The following TENM4 variants were observed in gnomAD, a reference collection of about 807,000 sequenced individuals.
TENM4 encodes the protein teneurin transmembrane protein 4, also known as teneurin-4.
A neutral mutation model predicts 243.3 loss-of-function variants in TENM4; 82 were observed. The observed-to-expected ratio is 0.34, with a 90% CI of 0.28 to 0.40. The LOEUF is 0.40. TENM4 is among the 10% of genes least tolerant of loss of function. TENM4 has a pLI of 1.00. For synonymous variants in TENM4, 1,412 were observed against 1,456.3 expected (o/e 0.97, Z 0.69); for missense variants, 3,138 against 3,673.3 (o/e 0.85, Z 3.77).
chr11:78,887,374 C>T (rs550333532), intron 9 of TENM4, among the ~76,000 whole-genome samples: 14 of 152,330 alleles, frequency 9.2e-5, no homozygotes, highest in African/African-American at 2.9e-4. Flanking sequence ...GTTGGGTATT[C>T]CCACAGCCTC....
intron 3 of TENM4, among the ~76,000 whole-genome samples, chr11:79,213,296 T>C (rs1863986698): frequency 6.6e-6 from 1 of 152,184 alleles, no homozygotes; most frequent in Admixed American, 6.5e-5. Flanking sequence ...CTTTACAAAG[T>C]GCCTGCCATG....
In TENM4 at chr11:79,065,010, G is replaced by A. The variant is rs1468109234; in HGVS notation, c.224-3C>T. On this transcript the variant is annotated splice_polypyrimidine_tract_variant and splice_region_variant and intron_variant, in intron 5 of 33. Coordinates refer to ENST00000278550, the MANE Select transcript of TENM4 (RefSeq NM_001098816.3). ...CTCCCGCAGGGTGAAGTTGGCACCT[G>A]GGAGGAAACACAGGTGAACTTGGTT... 1 of 1,456,672 alleles carries A rather than the reference G, an allele frequency of 6.9e-7. No individual in the cohort carries two copies. The highest frequency in any genetic ancestry group is 9.1e-7 in the Non-Finnish European group (1 of 1,100,390). The allele number at this position is 1,456,672 out of a possible 1,614,324, so 90.2% of individuals were successfully genotyped here. A position where few individuals can be genotyped will look rare whatever the true frequency, so the allele number is the denominator to read the frequency against.
At chr11:78,715,996 A>G (rs1353394282) in intron 25 of TENM4, among the ~76,000 whole-genome samples, 2 of 152,208 alleles carry the variant, frequency 1.3e-5, no homozygotes, top group Non-Finnish European at 2.9e-5. Flanking sequence ...TGTCCCAGAC[A>G]CTGCGCTAGC....
chr11:78,860,592 C>T (rs1858794134), intron 10 of TENM4, among the ~76,000 whole-genome samples: 1 of 152,184 alleles, frequency 6.6e-6, no homozygotes. Flanking sequence ...TAGGGGAATG[C>T]ATTTTTAACA....
At chr11:78,853,068 T>G (rs563757376) in intron 12 of TENM4, among the ~76,000 whole-genome samples, 1 of 152,236 alleles carries the variant, frequency 6.6e-6, no homozygotes, top group African/African-American at 2.4e-5. Context: ...TCAGAAACTT[T>G]TATCAAACTC....
chr11:79,164,517 A>G (rs975388224), intron 3 of TENM4, among the ~76,000 whole-genome samples: 1 of 141,018 alleles, frequency 7.1e-6, no homozygotes, highest in African/African-American at 2.7e-5. Context: ...CACTATACAT[A>G]CTATATATAT....
chr11:78,812,183 G>T lies in TENM4; in HGVS notation c.1917C>A (p.Gly639=). ...QCIDVACSNH[G]TCITGTCICN... ...AGATGCAGGTGCCCGTGATGCAGGT[G>T]CCATGGTTGCTGCAGGCCACATCGA... The change falls in exon 14 of 34, where the codon GGC becomes GGA. Residue 639 remains glycine (G), a synonymous_variant. Transcript: ENST00000278550. 2 of 1,551,860 alleles carry T rather than the reference G, an allele frequency of 1.3e-6. No individual in the cohort carries two copies. Among genetic ancestry groups the T allele is most frequent in the African/African-American group, 2.7e-5 (2 of 73,182 alleles).
intron 12 of TENM4, among the ~76,000 whole-genome samples, chr11:78,843,400 T>C (rs1177378006): frequency 4.6e-5 from 7 of 152,170 alleles, no homozygotes; most frequent in Non-Finnish European, 8.8e-5. Context: ...GGTAGAAGGA[T>C]TGCTTGAGTC....
intron 15 of TENM4, among the ~76,000 whole-genome samples, chr11:78,796,895 C>T (rs1459198947): frequency 6.6e-6 from 1 of 152,214 alleles, no homozygotes; most frequent in East Asian, 1.9e-4. Flanking sequence ...ATCCAACCTC[C>T]ACCACCACCT....
intron 4 of TENM4, among the ~76,000 whole-genome samples, chr11:79,104,316 A>G (rs1861308394): frequency 6.6e-6 from 1 of 152,248 alleles, no homozygotes; most frequent in Admixed American, 6.5e-5. Context: ...AGAAAAGAAT[A>G]AAGAAAATAA....
intron 1 of TENM4, among the ~76,000 whole-genome samples, chr11:79,379,586 C>A (rs1433448104): frequency 2.0e-5 from 3 of 152,180 alleles, no homozygotes; most frequent in Non-Finnish European, 2.9e-5. Context: ...CTGTACAAAG[C>A]ACTGAGCATC....
At chr11:79,361,834 A>AT (rs1273475109) in intron 1 of TENM4, among the ~76,000 whole-genome samples, 4 of 152,238 alleles carry the variant, frequency 2.6e-5, no homozygotes, top group Non-Finnish European at 5.9e-5. Flanking sequence ...AGTCAAATCA[A>AT]TAGGAGGAAA....
In TENM4 at chr11:79,016,818, T is replaced by A. The variant is rs536305065; in HGVS notation, c.493+47920A>T. On this transcript the variant is annotated intron_variant, in intron 6 of 33. Coordinates refer to ENST00000278550, the MANE Select transcript of TENM4 (RefSeq NM_001098816.3). ...GTTCATCAAAAGACCCCAAAGAGAT[T>A]GAGAGGGGAGGTGAGACTGTGGTCT... Among the ~76,000 whole-genome samples, 32 of 152,294 alleles carry A rather than the reference T, an allele frequency of 2.1e-4. No individual in the cohort carries two copies. The East Asian group carries it at 5.6e-3, about 27-fold the overall frequency.
chr11:79,343,931 A>G (rs1456071454), intron 1 of TENM4, among the ~76,000 whole-genome samples: 1 of 152,194 alleles, frequency 6.6e-6, no homozygotes, highest in Non-Finnish European at 1.5e-5. Context: ...TAGCTGGCAC[A>G]AAGAACATAG....
chr11:79,091,991 C>A (rs887933280), intron 4 of TENM4, among the ~76,000 whole-genome samples: 3 of 152,196 alleles, frequency 2.0e-5, no homozygotes, highest in Admixed American at 2.0e-4. Context: ...GACTTCATCG[C>A]CTCATCATCC....
intron 2 of TENM4, among the ~76,000 whole-genome samples, chr11:79,290,571 G>A (rs1027154176): frequency 2.0e-5 from 3 of 151,090 alleles, no homozygotes; most frequent in South Asian, 2.1e-4. Flanking sequence ...CCTCACCATC[G>A]CTCCCTTTGT....
intron 32 of TENM4, among the ~76,000 whole-genome samples, chr11:78,663,414 G>A (rs935942152): frequency 2.0e-5 from 3 of 152,170 alleles, no homozygotes; most frequent in Non-Finnish European, 4.4e-5. Context: ...CTAATGGGGG[G>A]AGTTTGGGTC....
At chr11:78,975,271 C>T (rs1322258108) in intron 6 of TENM4, among the ~76,000 whole-genome samples, 1 of 151,948 alleles carries the variant, frequency 6.6e-6, no homozygotes, top group East Asian at 2.0e-4. Context: ...TAACCTTGCC[C>T]ACGCGCTGCC....
rs61370249 is a variant in TENM4, at chr11:79,265,321, T to C, written c.-265+32167A>G. ...GTTTCACATTGCGTGATAAAGACTT[T>C]AGGAGTCTAGGCCTGCACTGTTCAA... On this transcript the variant is annotated intron_variant, in intron 2 of 33. Transcript: ENST00000278550. Among the ~76,000 whole-genome samples, 1,211 of 152,276 alleles carry C rather than the reference T, an allele frequency of 8.0e-3. 14 individuals carry two copies. The highest frequency in any genetic ancestry group is 0.028 in the African/African-American group (1,166 of 41,538).
Sources: gnomAD v4.1 joint callset for allele counts (sites outside exome capture counted in the v4.1 genomes callset) on GRCh38, gnomAD v4.1.1 for gene constraint, MANE v1.5 for transcripts, NCBI Gene and HGNC (gene_info 2026-07-23, HGNC 2026-07-21) for gene names.